Variants in MEIKIN observed in about 807,000 individuals in gnomAD.
MEIKIN encodes meiotic kinetochore factor, also known as meiosis-specific kinetochore protein.
At chr5:131,879,770 T>C (rs189408148) in intron 8 of MEIKIN, among the ~76,000 whole-genome samples, 1 of 152,334 alleles carries the variant, frequency 6.6e-6, no homozygotes, top group African/African-American at 2.4e-5. Flanking sequence ...GGCTGGAACA[T>C]TTCTAACCTG....
chr5:131,907,628 C>T (rs1488663089), intron 8 of MEIKIN, among the ~76,000 whole-genome samples: 1 of 151,174 alleles, frequency 6.6e-6, no homozygotes, highest in Non-Finnish European at 1.5e-5. Context: ...AATCCCAGCA[C>T]TTTGGGAGGC....
chr5:131,821,027 T>C (rs577492465), intron 11 of MEIKIN, among the ~76,000 whole-genome samples: 1 of 152,288 alleles, frequency 6.6e-6, no homozygotes, highest in South Asian at 2.1e-4. Context: ...TATTATTTCT[T>C]TTCTTCTACT....
rs1247438376 is a variant in MEIKIN, at chr5:131,933,602, C to T, written c.389G>A (p.Ser130Asn). Residue 130 changes from serine (S) to asparagine (N), a missense_variant, in exon 5 of 13, where the codon AGC becomes AAC. Transcript: ENST00000442687. ...LHHGMASSLL[S>N]YSVTDSYAEY... ...TGCATAAGAGTCTGTGACTGAATAGCTCAGAAGAGAACTGGCCATACCATG... is the reference window on the plus strand; with the variant it reads ...TGCATAAGAGTCTGTGACTGAATAGTTCAGAAGAGAACTGGCCATACCATG... 2.5e-6 allele frequency: 1 copy of T among 398,752 alleles called. No homozygotes were observed. The highest frequency in any genetic ancestry group is 4.4e-6 in the Non-Finnish European group (1 of 225,954). 24.7% of individuals were successfully genotyped at this position (398,752 alleles called of 1,614,324 possible).
At chr5:131,841,312 G>A (rs1749904430) in intron 11 of MEIKIN, among the ~76,000 whole-genome samples, 1 of 152,142 alleles carries the variant, frequency 6.6e-6, no homozygotes, top group Admixed American at 6.5e-5. Context: ...TAGGTTGGTG[G>A]CAATGGGATC....
rs572969651 is a variant in MEIKIN, at chr5:131,921,530, G to A, written c.598+292C>T. Among the ~76,000 whole-genome samples, 2 of 152,162 alleles carry A rather than the reference G, an allele frequency of 1.3e-5. No homozygotes were observed. The highest frequency in any genetic ancestry group is 2.9e-5 in the Non-Finnish European group (2 of 67,998). ...AAATTAACTAGCTGTGGTGGCACGT[G>A]CCTGTAACCCCAGCTACTAGGGAGG... On this transcript the variant is annotated intron_variant, in intron 6 of 12. Coordinates refer to ENST00000442687, the MANE Select transcript of MEIKIN (RefSeq NM_001303622.2).
chr5:131,884,007 G>C (rs1301541501), intron 8 of MEIKIN, among the ~76,000 whole-genome samples: 3 of 152,190 alleles, frequency 2.0e-5, no homozygotes, highest in African/African-American at 7.2e-5. Context: ...CATTCCAACA[G>C]TCAGAACTTG....
chr5:131,872,214 A>C (rs1420961423), intron 9 of MEIKIN, among the ~76,000 whole-genome samples: 2 of 149,224 alleles, frequency 1.3e-5, no homozygotes, highest in Admixed American at 1.4e-4. Context: ...TAAAGGAGGA[A>C]GTTCAAACCA....
intron 9 of MEIKIN, among the ~76,000 whole-genome samples, chr5:131,863,051 T>C (rs1248979175): frequency 6.6e-6 from 1 of 152,182 alleles, no homozygotes; most frequent in Non-Finnish European, 1.5e-5. Flanking sequence ...GATCCAATGA[T>C]CATTCAGCGG....
rs184728766 is a variant in MEIKIN, at chr5:131,895,423, C to T, written c.704-16375G>A. ...CTCATAAAATGAGTTAGGGAGGATT[C>T]CCTCTTTTTCTATTGATGGGAATAG... On this transcript the variant is annotated intron_variant, in intron 8 of 12. Coordinates refer to ENST00000442687, the MANE Select transcript of MEIKIN (RefSeq NM_001303622.2). Among the ~76,000 whole-genome samples, 364 of 152,262 alleles carry T rather than the reference C, an allele frequency of 2.4e-3. 5 individuals carry two copies. Among genetic ancestry groups the T allele is most frequent in the South Asian group, 0.02 (95 of 4,830 alleles).
intron 12 of MEIKIN, among the ~76,000 whole-genome samples, chr5:131,809,970 T>C (rs1357356980): frequency 3.3e-5 from 5 of 152,262 alleles, no homozygotes; most frequent in Admixed American, 6.5e-5. Flanking sequence ...AGATTATCTC[T>C]AGTCCTCACA....
chr5:131,824,729 A>G (rs958605553), intron 11 of MEIKIN, among the ~76,000 whole-genome samples: 1 of 152,196 alleles, frequency 6.6e-6, no homozygotes, highest in Non-Finnish European at 1.5e-5. Context: ...CAGAGGTTCA[A>G]CGATATGGAG....
intron 8 of MEIKIN, among the ~76,000 whole-genome samples, chr5:131,902,608 A>C (rs1751177864): frequency 6.6e-6 from 1 of 152,124 alleles, no homozygotes; most frequent in Admixed American, 6.5e-5. Context: ...TTTATAAATA[A>C]CCCGGTCTCA....
chr5:131,872,199 C>T lies in MEIKIN; in HGVS notation c.774+6779G>A, dbSNP rs539866524. On this transcript the variant is annotated intron_variant, in intron 9 of 12. Coordinates refer to ENST00000442687, the MANE Select transcript of MEIKIN (RefSeq NM_001303622.2). The stretch of plus-strand genomic sequence containing the variant: ...AAGGCTTCAGATGATCAAACTACTC[C>T]GAGCTAAAGGAGGAAGTTCAAACCA... Among the ~76,000 whole-genome samples, 164 of 151,162 alleles carry T rather than the reference C, an allele frequency of 1.1e-3. 1 individual carries two copies. The highest frequency in any genetic ancestry group is 8.0e-3 in the East Asian group (41 of 5,154).
intron 5 of MEIKIN, among the ~76,000 whole-genome samples, chr5:131,931,125 G>C (rs143200752): frequency 7.2e-5 from 11 of 152,288 alleles, no homozygotes; most frequent in African/African-American, 2.4e-4. Flanking sequence ...TTATGAATAA[G>C]CCTACCCAGG....
At chr5:131,827,374 T>C (rs917657252) in intron 11 of MEIKIN, among the ~76,000 whole-genome samples, 1 of 152,150 alleles carries the variant, frequency 6.6e-6, no homozygotes, top group Non-Finnish European at 1.5e-5. Flanking sequence ...ATAATTATGA[T>C]CACAGAAATA....
chr5:131,906,177 C>T (rs1314145261), intron 8 of MEIKIN, among the ~76,000 whole-genome samples: 1 of 151,872 alleles, frequency 6.6e-6, no homozygotes, highest in Non-Finnish European at 1.5e-5. Context: ...AATTTATAAG[C>T]AAAGAACCAT....
At chr5:131,892,416 T>C (rs574810945) in intron 8 of MEIKIN, among the ~76,000 whole-genome samples, 3 of 152,276 alleles carry the variant, frequency 2.0e-5, no homozygotes, top group African/African-American at 7.2e-5. Flanking sequence ...GTTCGTTTCT[T>C]TTTATTCTTT....
intron 11 of MEIKIN, among the ~76,000 whole-genome samples, chr5:131,825,318 C>T (rs1021464224): frequency 6.6e-6 from 1 of 152,158 alleles, no homozygotes; most frequent in Non-Finnish European, 1.5e-5. Context: ...GGCCCCAAGA[C>T]CACTCTCAGG....
Position 131,854,803 on chromosome 5 carries a change from T to C in MEIKIN, c.806A>G (p.Asn269Ser), listed in dbSNP as rs1750167825. ...TGGAGTACTTGTTAAAAGGCCTCTG[T>C]TTTTCTTACCAGGAGTACTGGAATT... The part of the protein sequence containing the change: ...KTNSSTPGKK[N>S]RGLLTSTPSS... Residue 269 changes from asparagine (N) to serine (S), a missense_variant, in exon 10 of 13, where the codon AAC (asparagine) becomes AGC (serine). Asn to Ser is a conservative substitution (Grantham distance 46, BLOSUM62 1). Transcript: ENST00000442687. The C allele has an allele frequency of 2.5e-6, 1 of 397,790 alleles. No homozygotes were observed. The highest frequency in any genetic ancestry group is 3.6e-5 in the East Asian group (1 of 27,986). The allele number at this position is 397,790 out of a possible 1,614,324, so 24.6% of individuals were successfully genotyped here.
Sources: allele counts gnomAD v4.1 joint callset (sites outside exome capture counted in the v4.1 genomes callset), GRCh38; gene constraint gnomAD v4.1.1; transcripts MANE v1.5; gene names NCBI Gene and HGNC (gene_info 2026-07-23, HGNC 2026-07-21).